Variants in CENPP observed in about 807,000 individuals in gnomAD.
CENPP encodes centromere protein P.
A neutral mutation model predicts 35.6 loss-of-function variants in CENPP; 24 were observed. The ratio of observed to expected loss-of-function variants is 0.67; its 90% CI spans 0.49 to 0.95. The LOEUF is 0.95. CENPP is among the 40% of genes least tolerant of loss of function. CENPP has a pLI of 0.00. For synonymous variants in CENPP, 120 were observed against 125.5 expected (o/e 0.96, Z 0.29); for missense variants, 332 against 345.3 (o/e 0.96, Z 0.31).
At chr9:92,563,804 C>G (rs1230882241) in intron 5 of CENPP, among the ~76,000 whole-genome samples, 2 of 151,340 alleles carry the variant, frequency 1.3e-5, no homozygotes, top group African/African-American at 4.9e-5. Context: ...CCTCCTCCTC[C>G]TCCCAAAGTG....
chr9:92,434,407 A>T (rs1027805932), intron 5 of CENPP, among the ~76,000 whole-genome samples: 72 of 150,478 alleles, frequency 4.8e-4, no homozygotes, highest in Middle Eastern at 3.5e-3. Flanking sequence ...AAAAAAAAAT[A>T]GAATGAGTAA....
intron 5 of CENPP, among the ~76,000 whole-genome samples, chr9:92,420,403 G>T (rs1424413426): frequency 6.6e-6 from 1 of 152,044 alleles, no homozygotes; most frequent in Non-Finnish European, 1.5e-5. Flanking sequence ...TCCAACTCTG[G>T]TTACTCCAAT....
intron 4 of CENPP, among the ~76,000 whole-genome samples, chr9:92,350,931 G>T (rs1033374759): frequency 1.3e-5 from 2 of 152,142 alleles, no homozygotes; most frequent in African/African-American, 4.8e-5. Context: ...TCAGGAATTA[G>T]ACTAGCACAG....
At position 92,352,524 on chromosome 9, in the gene CENPP, T is replaced by C. The variant is rs1331550054; in HGVS notation, c.467+6737T>C. On this transcript the variant is annotated intron_variant, in intron 4 of 7. Coordinates refer to ENST00000375587, the MANE Select transcript of CENPP (RefSeq NM_001012267.3). ...GTGTGTGTATACATATATATATATA[T>C]ATATATATATATATAATATAACGGG... 4.3e-4 allele frequency among the ~76,000 whole-genome samples: 50 copies of C among 114,956 alleles called. 1 individual carries two copies. Among genetic ancestry groups the C allele is most frequent in the African/African-American group, 1.9e-3 (43 of 23,168 alleles). 75.4% of individuals were successfully genotyped at this position (114,956 alleles called of 152,430 possible).
At chr9:92,354,827 G>A (rs1242872540) in intron 4 of CENPP, among the ~76,000 whole-genome samples, 1 of 152,172 alleles carries the variant, frequency 6.6e-6, no homozygotes, top group Non-Finnish European at 1.5e-5. Flanking sequence ...AGAGTAAAAA[G>A]AGAGGAATTT....
chr9:92,470,188 ATACAG>A (rs1845459940), intron 5 of CENPP, among the ~76,000 whole-genome samples: 1 of 152,256 alleles, frequency 6.6e-6, no homozygotes, highest in Non-Finnish European at 1.5e-5. Context: ...AATGATACTA[ATACAG>A]TAAAGAAAAA....
chr9:92,381,352 C>T (rs974036487), intron 5 of CENPP, among the ~76,000 whole-genome samples: 1 of 151,288 alleles, frequency 6.6e-6, no homozygotes, highest in Non-Finnish European at 1.5e-5. Context: ...GGTGCAGTCA[C>T]GGCTCATGGC....
At chr9:92,338,495 A>G (rs1238054154) in intron 3 of CENPP, among the ~76,000 whole-genome samples, 1 of 152,170 alleles carries the variant, frequency 6.6e-6, no homozygotes, top group Non-Finnish European at 1.5e-5. Context: ...ATTACTTCCA[A>G]TACCCAATAC....
At chr9:92,603,616 T>G (rs78023245) in intron 5 of CENPP, among the ~76,000 whole-genome samples, 1,533 of 151,954 alleles carry the variant, frequency 0.01, 30 homozygotes, top group African/African-American at 0.035. Context: ...CTGCCTACAC[T>G]CAGCTCTGAT....
chr9:92,329,182 C>CTTTTT (rs11366828), intron 1 of CENPP, among the ~76,000 whole-genome samples: 3 of 104,428 alleles, frequency 2.9e-5, no homozygotes, highest in African/African-American at 4.6e-5. Flanking sequence ...ATATTTATGG[C>CTTTTT]TTTTTTTTTT....
chr9:92,611,046 G>A, intron 5 of CENPP: 1 of 531,812 alleles, frequency 1.9e-6, no homozygotes, highest in Non-Finnish European at 3.4e-6. Context: ...GGAAACCTGT[G>A]AAATGAGAAT....
At chr9:92,574,632 G>C (rs964174875) in intron 5 of CENPP, among the ~76,000 whole-genome samples, 4 of 152,206 alleles carry the variant, frequency 2.6e-5, no homozygotes, top group African/African-American at 9.6e-5. Context: ...TCTGTGTTAA[G>C]ATGTCAGTAC....
intron 5 of CENPP, among the ~76,000 whole-genome samples, chr9:92,392,287 G>C (rs1431752589): frequency 6.6e-6 from 1 of 152,068 alleles, no homozygotes; most frequent in Non-Finnish European, 1.5e-5. Context: ...CCCCAGATCT[G>C]AATTACAACC....
chr9:92,592,062 G>A (rs1034642174), intron 5 of CENPP, among the ~76,000 whole-genome samples: 1 of 151,396 alleles, frequency 6.6e-6, no homozygotes, highest in African/African-American at 2.4e-5. Context: ...AAAAAAAATA[G>A]ACATACAGAA....
At chr9:92,416,528 T>C in intron 5 of CENPP, 1 of 798,716 alleles carries the variant, frequency 1.3e-6, no homozygotes. Flanking sequence ...TTTTCAGCAA[T>C]GTCTAAAGCA....
chr9:92,485,029 G>A (rs1846022340), intron 5 of CENPP, among the ~76,000 whole-genome samples: 1 of 152,200 alleles, frequency 6.6e-6, no homozygotes, highest in Non-Finnish European at 1.5e-5. Context: ...TGTGGTAAAG[G>A]TGCAGGCCTC....
At chr9:92,469,673 T>C (rs1304828223) in intron 5 of CENPP, among the ~76,000 whole-genome samples, 2 of 152,130 alleles carry the variant, frequency 1.3e-5, no homozygotes, top group Non-Finnish European at 2.9e-5. Flanking sequence ...TGGCCTGGAA[T>C]AGCCAGGCCT....
chr9:92,580,013 G>T (rs771004618), intron 5 of CENPP, among the ~76,000 whole-genome samples: 25 of 147,568 alleles, frequency 1.7e-4, no homozygotes, highest in African/African-American at 3.0e-4. Context: ...TAGCATGAAG[G>T]GTTGTTGAAT....
intron 5 of CENPP, among the ~76,000 whole-genome samples, chr9:92,595,498 T>G (rs1259223986): frequency 6.6e-6 from 1 of 152,102 alleles, no homozygotes; most frequent in Admixed American, 6.5e-5. Context: ...GGCCTTACAC[T>G]CCCAAGGTGC....
Sources: gnomAD v4.1 joint callset for allele counts (sites outside exome capture counted in the v4.1 genomes callset) on GRCh38, gnomAD v4.1.1 for gene constraint, MANE v1.5 for transcripts, NCBI Gene and HGNC (gene_info 2026-07-23, HGNC 2026-07-21) for gene names.